Variants in TEX11 observed in about 807,000 individuals in gnomAD.
The protein encoded by TEX11 is testis expressed 11.
TEX11 carries 7 observed loss-of-function variants against 84.4 expected under a neutral mutation model. That is an observed-to-expected ratio of 0.08 (90% CI 0.05 to 0.16). The LOEUF (loss-of-function observed/expected upper bound fraction) is 0.16. TEX11 is among the 10% of genes least tolerant of loss of function. The probability of loss-of-function intolerance (pLI) is 1.00; values close to 1 mark genes in which losing one functional copy is unlikely to be tolerated. For missense variants in TEX11, 551 were observed against 660.5 expected (o/e 0.83, Z 1.82); for synonymous variants, 264 against 222.8 (o/e 1.18, Z -1.64).
chrX:70,670,975 T>C (rs2090017114), intron 15 of TEX11, among the ~76,000 whole-genome samples: 1 of 111,814 alleles, frequency 8.9e-6, no homozygotes, highest in Non-Finnish European at 1.9e-5. Context: ...ATTCTTTCCA[T>C]TTAATTTTGT....
In TEX11 at chrX:70,690,276, G is replaced by A. The variant is rs182734943; in HGVS notation, c.1005-7451C>T. On this transcript the variant is annotated intron_variant, in intron 13 of 29. Transcript: ENST00000374333. ...TAATAATAATGATGTATCAATATTG[G>A]TCCATTACTTATGACAAAGGTACTA... is the stretch of plus-strand genomic sequence containing the variant. Among the ~76,000 whole-genome samples, 4 of 111,732 alleles carry A rather than the reference G, an allele frequency of 3.6e-5. No homozygotes were observed. In the Admixed American group the frequency reaches 3.8e-4, roughly 11 times the overall value.
chrX:70,645,896 T>A, intron 17 of TEX11, among the ~76,000 whole-genome samples: 1 of 110,650 alleles, frequency 9.0e-6, no homozygotes, highest in South Asian at 3.8e-4. Flanking sequence ...CCAGTGACAT[T>A]TTTTCCCAGA....
intron 4 of TEX11, among the ~76,000 whole-genome samples, chrX:70,870,644 T>C (rs188482995): frequency 3.6e-5 from 4 of 111,663 alleles, no homozygotes; most frequent in African/African-American, 9.7e-5. Context: ...CAATCTCCTG[T>C]AGAATTTTTT....
chrX:70,858,006 G>A (rs1210923725), intron 5 of TEX11, among the ~76,000 whole-genome samples: 5 of 110,728 alleles, frequency 4.5e-5, no homozygotes, highest in African/African-American at 9.8e-5. Context: ...GCTAAGCTAC[G>A]AGGATGCAAA....
intron 5 of TEX11, among the ~76,000 whole-genome samples, chrX:70,857,659 T>C (rs771069301): frequency 8.9e-6 from 1 of 112,169 alleles, no homozygotes; most frequent in Non-Finnish European, 1.9e-5. Context: ...CCAGATCTTC[T>C]TGAGAGGTCA....
At chrX:70,565,477 C>G (rs768116266) in intron 25 of TEX11, among the ~76,000 whole-genome samples, 61 of 110,067 alleles carry the variant, frequency 5.5e-4, no homozygotes, top group African/African-American at 2.0e-3. Context: ...AAGTCCTTGC[C>G]CATGCCTATG....
At position 70,661,251 on chromosome X, in the gene TEX11, C is replaced by A. The variant is rs148135275; in HGVS notation, c.1380+9126G>T. Among the ~76,000 whole-genome samples, 426 of 112,504 alleles carry A rather than the reference C, an allele frequency of 3.8e-3. 14 individuals are homozygous for A. In the East Asian group the frequency reaches 0.088, roughly 23 times the overall value. On this transcript the variant is annotated intron_variant, in intron 16 of 29. Transcript: ENST00000374333. ...GTATCCCACGCCTGGCTCAGAGGGT[C>A]CTACGCCCACAGAGCCTCGCTCATT... is the stretch of plus-strand genomic sequence containing the variant.
At chrX:70,605,219 G>A (rs914308275) in intron 24 of TEX11, among the ~76,000 whole-genome samples, 182 bp downstream of exon 24, 2 of 111,658 alleles carry the variant, frequency 1.8e-5, no homozygotes, top group Admixed American at 1.9e-4. Context: ...AAAAGAAGAG[G>A]CCACACCAAA....
chrX:70,884,619 A>T (rs2091698852), intron 2 of TEX11, among the ~76,000 whole-genome samples: 1 of 111,037 alleles, frequency 9.0e-6, no homozygotes, highest in Admixed American at 9.7e-5. Flanking sequence ...AAAGATAATA[A>T]TTTTTCCTAT....
intron 9 of TEX11, among the ~76,000 whole-genome samples, chrX:70,776,578 A>AG (rs1398529674): frequency 9.1e-6 from 1 of 109,960 alleles, no homozygotes; most frequent in African/African-American, 3.3e-5. Context: ...AAAAAAAAAA[A>AG]AAGAAGAAGA....
At chrX:70,545,376 A>T (rs1224919789) in intron 28 of TEX11, among the ~76,000 whole-genome samples, 1 of 111,389 alleles carries the variant, frequency 9.0e-6, no homozygotes, top group Admixed American at 9.6e-5. Context: ...ACTTTTTGAT[A>T]AAAACTAAGA....
rs753313634 is a variant in TEX11, at chrX:70,580,897, T to C, written c.2140+10854A>G. Among the ~76,000 whole-genome samples the C allele has an allele frequency of 3.5e-5, 4 of 112,780 alleles. No homozygotes were observed. The East Asian group carries it at 1.1e-3, about 31-fold the overall frequency. ...CTAATTAACTTAAACACTGGTTTGATATTAAATTGAGTTCATTAATGGATA... is the reference window on the plus strand; with the variant it reads ...CTAATTAACTTAAACACTGGTTTGACATTAAATTGAGTTCATTAATGGATA... On this transcript the variant is annotated intron_variant, in intron 25 of 29. Transcript: ENST00000374333.
chrX:70,561,535 G>A lies in TEX11; in HGVS notation c.2141-6735C>T, dbSNP rs777883099. Among the ~76,000 whole-genome samples the A allele has an allele frequency of 1.6e-3, 169 of 106,819 alleles. 1 individual carries two copies. Among genetic ancestry groups the A allele is most frequent in the African/African-American group, 5.6e-3 (165 of 29,278 alleles). The allele number at this position is 106,819 out of a possible 115,157, so 92.8% of individuals were successfully genotyped here. A position where few individuals can be genotyped will look rare whatever the true frequency, so the allele number is the denominator to read the frequency against. On this transcript the variant is annotated intron_variant, in intron 25 of 29. Coordinates refer to ENST00000374333, the MANE Select transcript of TEX11 (RefSeq NM_031276.3). ...CCCGAGTAGCTGGGACTACAGGCAC[G>A]TGCCACCATGCCCAGCTGATTTTTG...
the TEX11 span, among the ~76,000 whole-genome samples, chrX:70,515,545 A>G: frequency 1.8e-5 from 2 of 112,079 alleles, no homozygotes; most frequent in Non-Finnish European, 3.8e-5. Context: ...GTTGGTTCCA[A>G]GTCTTTCCTA....
chrX:70,532,783 A>C (rs1249251821), intron 28 of TEX11, among the ~76,000 whole-genome samples: 1 of 111,079 alleles, frequency 9.0e-6, no homozygotes, highest in African/African-American at 3.3e-5. Context: ...TTGTGCCTGT[A>C]ATCCCAGCAC....
At chrX:70,860,550 A>G (rs912374229) in intron 5 of TEX11, among the ~76,000 whole-genome samples, 3 of 111,545 alleles carry the variant, frequency 2.7e-5, no homozygotes, top group African/African-American at 6.5e-5. Flanking sequence ...ACTAAGTATT[A>G]CCATTCCCTT....
chrX:70,804,601 C>A (rs2147806416), intron 9 of TEX11, among the ~76,000 whole-genome samples: 1 of 111,631 alleles, frequency 9.0e-6, no homozygotes, highest in Non-Finnish European at 1.9e-5. Context: ...GATGTGAACA[C>A]AAAAGACTCA....
intron 5 of TEX11, among the ~76,000 whole-genome samples, chrX:70,860,623 C>A (rs1175586082): frequency 9.0e-6 from 1 of 111,452 alleles, no homozygotes; most frequent in Non-Finnish European, 1.9e-5. Context: ...AATCATCAAC[C>A]CAGAATTATA....
intron 25 of TEX11, among the ~76,000 whole-genome samples, chrX:70,568,204 T>C (rs1303865270): frequency 9.0e-6 from 1 of 111,625 alleles, no homozygotes; most frequent in African/African-American, 3.3e-5. Flanking sequence ...TAAAGTCTGT[T>C]TGATCAGAGA....
Sources: allele counts gnomAD v4.1 joint callset (sites outside exome capture counted in the v4.1 genomes callset), GRCh38; gene constraint gnomAD v4.1.1; transcripts MANE v1.5; gene names NCBI Gene and HGNC (gene_info 2026-07-23, HGNC 2026-07-21).